Variants in CFAP58 observed in about 807,000 individuals in gnomAD.
CFAP58 encodes the protein cilia- and flagella-associated protein 58.
Under a neutral mutation model 119.5 loss-of-function variants are expected in CFAP58, and 88 were observed. The observed-to-expected ratio is 0.74, with a 90% CI of 0.62 to 0.88. The LOEUF (loss-of-function observed/expected upper bound fraction) is 0.88. Among genes scored for constraint, CFAP58 ranks in the 40% least tolerant of loss-of-function variants. The pLI, the probability that CFAP58 is intolerant of heterozygous loss-of-function variation, is 0.00. For missense variants in CFAP58, 990 were observed against 1,021.2 expected, an observed-to-expected ratio of 0.97 and a Z score of 0.42; for synonymous variants, 365 against 366.3, an observed-to-expected ratio of 1.00 and a Z score of 0.04.
chr10:104,420,756 T>G (rs1215562291), intron 15 of CFAP58, among the ~76,000 whole-genome samples: 12 of 148,058 alleles, frequency 8.1e-5, no homozygotes, highest in Admixed American at 7.4e-4. Context: ...ATTTGATTTT[T>G]TTTTTTTTTT....
chr10:104,343,593 AAGAC>A, the CFAP58 span, among the ~76,000 whole-genome samples: 38,474 of 151,918 alleles, frequency 0.25, 5,000 homozygotes, highest in Middle Eastern at 0.3. Context: ...TTATAATTGA[AAGAC>A]AGTTTCCTTA....
intron 12 of CFAP58, among the ~76,000 whole-genome samples, chr10:104,400,116 A>G (rs1361916139): frequency 6.6e-6 from 1 of 152,104 alleles, no homozygotes; most frequent in Non-Finnish European, 1.5e-5. Flanking sequence ...AAAACGATAC[A>G]CACATGGGCT....
the CFAP58 span, among the ~76,000 whole-genome samples, chr10:104,340,529 C>G: frequency 1.3e-5 from 2 of 152,196 alleles, no homozygotes; most frequent in African/African-American, 2.4e-5. Context: ...CCTGTCGTTT[C>G]TACAGAACAC....
chr10:104,375,087 GA>G (rs1291388915), intron 7 of CFAP58, among the ~76,000 whole-genome samples: 1 of 151,380 alleles, frequency 6.6e-6, no homozygotes, highest in Non-Finnish European at 1.5e-5. Flanking sequence ...ACCAAATGTT[GA>G]AACCATAAAA....
chr10:104,378,785 A>G (rs920960318), intron 8 of CFAP58, among the ~76,000 whole-genome samples: 4 of 152,186 alleles, frequency 2.6e-5, no homozygotes, highest in African/African-American at 9.7e-5. Flanking sequence ...AGTTGCAGTT[A>G]AAGAGGTGAA....
At chr10:104,447,900 A>T in intron 16 of CFAP58, 83 bp downstream of exon 16, 2 of 1,448,386 alleles carry the variant, frequency 1.4e-6, no homozygotes, top group East Asian at 5.0e-5. Flanking sequence ...CTGACTCCAC[A>T]CAATGAGCCA....
chr10:104,436,225 TTA>T (rs1210221863), intron 15 of CFAP58, among the ~76,000 whole-genome samples: 40 of 152,342 alleles, frequency 2.6e-4, no homozygotes, highest in African/African-American at 8.9e-4. Context: ...ATGTTCTGTT[TTA>T]TATATGTTTT....
chr10:104,443,978 G>A (rs2013077040), intron 15 of CFAP58, among the ~76,000 whole-genome samples: 1 of 152,214 alleles, frequency 6.6e-6, no homozygotes, highest in South Asian at 2.1e-4. Context: ...CTGATGGCCT[G>A]TCCAACGGAG....
chr10:104,435,738 G>A (rs1383155396), intron 15 of CFAP58, among the ~76,000 whole-genome samples: 2 of 152,024 alleles, frequency 1.3e-5, no homozygotes, highest in African/African-American at 4.8e-5. Context: ...TCACTCTCAA[G>A]GATTTCATTC....
chr10:104,442,393 G>T lies in CFAP58; in HGVS notation c.2257-5305G>T, dbSNP rs1478438637. On this transcript the variant is annotated intron_variant, in intron 15 of 17. Coordinates refer to ENST00000369704, the MANE Select transcript of CFAP58 (RefSeq NM_001008723.2). The stretch of plus-strand genomic sequence containing the variant: ...TCACGAGGTCAGGAGTTCGAGACCA[G>T]CCTGACCAACATGGTGAAACCCCAT... Among the ~76,000 whole-genome samples, 18 of 152,046 alleles carry T rather than the reference G, an allele frequency of 1.2e-4. 1 individual carries two copies. Among genetic ancestry groups the T allele is most frequent in the South Asian group, 4.1e-4 (2 of 4,820 alleles).
At chr10:104,392,821 G>A (rs1350405517) in intron 10 of CFAP58, among the ~76,000 whole-genome samples, 1 of 151,956 alleles carries the variant, frequency 6.6e-6, no homozygotes, top group Non-Finnish European at 1.5e-5. Flanking sequence ...TGTATTCTTA[G>A]TAGAGACAGG....
chr10:104,393,352 A>C lies in CFAP58; in HGVS notation c.1551A>C (p.Arg517Ser), dbSNP rs2012088886. The C allele has an allele frequency of 6.2e-7, 1 of 1,613,642 alleles. No homozygotes were observed. Among genetic ancestry groups the C allele is most frequent in the East Asian group, 2.2e-5 (1 of 44,894 alleles). The change falls in exon 11 of 18, where the codon AGA becomes AGC. Residue 517 changes from arginine to serine, a missense_variant. Transcript: ENST00000369704. ...EAQDEITDMK[R>S]KLKIMIHQVD... is the part of the protein sequence containing the mutation. The stretch of plus-strand genomic sequence containing the variant: ...AGGATGAAATAACAGATATGAAGAG[A>C]AAGTTAAAGATTATGATCCATCAGG...
At chr10:104,340,505 G>A in the CFAP58 span, among the ~76,000 whole-genome samples, 2 of 152,122 alleles carry the variant, frequency 1.3e-5, no homozygotes, top group Non-Finnish European at 2.9e-5. Context: ...CTCATGTCTG[G>A]ATTGGACACC....
intron 6 of CFAP58, among the ~76,000 whole-genome samples, chr10:104,368,890 A>T (rs2014787366): frequency 6.6e-6 from 1 of 152,216 alleles, no homozygotes; most frequent in African/African-American, 2.4e-5. Context: ...ACAGCAAAAA[A>T]TTCAGATTAT....
chr10:104,428,379 G>T (rs1319948432), intron 15 of CFAP58, among the ~76,000 whole-genome samples: 1 of 152,154 alleles, frequency 6.6e-6, no homozygotes, highest in Non-Finnish European at 1.5e-5. Context: ...TGGGTTACTT[G>T]TAGGAGACAT....
chr10:104,393,443 C>A lies in CFAP58; in HGVS notation c.1642C>A (p.Gln548Lys), dbSNP rs201643990. Residue 548 changes from glutamine (Q) to lysine (K), a missense_variant, in exon 11 of 18, where the codon CAG (glutamine) becomes AAG (lysine). Transcript: ENST00000369704. ...ACTTGTGAAGCTGCACCTGGAACAG[C>A]AGCGAATAGAAAAGGAAAAGGAAAC... ...SALVKLHLEQQRIEKEKETLK... is the reference protein window; with the variant it reads ...SALVKLHLEQKRIEKEKETLK... The A allele has an allele frequency of 4.2e-4, 682 of 1,613,794 alleles. No homozygotes were observed. The highest frequency in any genetic ancestry group is 5.3e-4 in the Non-Finnish European group (624 of 1,179,790).
intron 8 of CFAP58, among the ~76,000 whole-genome samples, chr10:104,379,545 C>T (rs1308239545): frequency 2.6e-5 from 4 of 152,114 alleles, no homozygotes; most frequent in Non-Finnish European, 5.9e-5. Context: ...TGTGTTAATT[C>T]TAGGTATCTG....
intron 15 of CFAP58, among the ~76,000 whole-genome samples, chr10:104,436,479 TG>T (rs2012936287): frequency 6.6e-6 from 1 of 152,102 alleles, no homozygotes; most frequent in Non-Finnish European, 1.5e-5. Flanking sequence ...GCTCAGCTTC[TG>T]GGGAGGCCTC....
chr10:104,403,086 CCCACATCTCA>C (rs2012293911), intron 13 of CFAP58, among the ~76,000 whole-genome samples: 1 of 152,176 alleles, frequency 6.6e-6, no homozygotes, highest in South Asian at 2.1e-4. Flanking sequence ...TGTGTCCCCA[CCCACATCTCA>C]CCTTGAATTG....
Sources: allele counts gnomAD v4.1 joint callset (sites outside exome capture counted in the v4.1 genomes callset), GRCh38; gene constraint gnomAD v4.1.1; transcripts MANE v1.5; gene names NCBI Gene and HGNC (gene_info 2026-07-23, HGNC 2026-07-21).